GLG1: variants seen among roughly 807,000 people sequenced by gnomAD.
The protein encoded by GLG1 is golgi glycoprotein 1.
In GLG1, 38 loss-of-function variants were observed where a neutral mutation model predicts 160.5. The observed-to-expected ratio is 0.24, with a 90% confidence interval of 0.18 to 0.31. GLG1 has a LOEUF of 0.31. Ranked by LOEUF, GLG1 falls within the 10% of genes least tolerant of loss-of-function variation. The pLI, the probability that GLG1 is intolerant of heterozygous loss-of-function variation, is 1.00. For missense variants in GLG1, 1,373 were observed against 1,505.2 expected, an observed-to-expected ratio of 0.91 and a Z score of 1.45; for synonymous variants, 644 against 543.4, an observed-to-expected ratio of 1.19 and a Z score of -2.57.
At chr16:74,462,793 T>TA (rs776722043) in intron 20 of GLG1, 163 bp from the exon 21 acceptor site, 198 of 663,138 alleles carry the variant, frequency 3.0e-4, no homozygotes, top group Non-Finnish European at 5.0e-4. Flanking sequence ...ACACTGTTTT[T>TA]AATCAGCAAT....
At chr16:74,576,924 ATTTTT>A (rs35963439) in intron 1 of GLG1, among the ~76,000 whole-genome samples, 1 of 140,842 alleles carries the variant, frequency 7.1e-6, no homozygotes. Context: ...ACCACTCCTA[ATTTTT>A]TTTTTTTTTT....
intron 23 of GLG1, 40 bp downstream of exon 23, chr16:74,459,642 A>G: frequency 9.4e-7 from 1 of 1,067,180 alleles, no homozygotes; most frequent in African/African-American, 1.6e-5. Flanking sequence ...GAAAAAAAAA[A>G]AAAGAAATGA....
intron 19 of GLG1, among the ~76,000 whole-genome samples, chr16:74,464,435 G>A (rs144269674): frequency 9.8e-5 from 15 of 152,322 alleles, no homozygotes; most frequent in African/African-American, 3.6e-4. Context: ...CTTTAAGTCA[G>A]GGATCAGCTG....
Position 74,534,966 on chromosome 16 carries a change from G to A in GLG1, c.439-2813C>T, listed in dbSNP as rs149933334. Among the ~76,000 whole-genome samples, 453 of 152,312 alleles carry A rather than the reference G, an allele frequency of 3.0e-3. 2 individuals carry two copies. Among genetic ancestry groups the A allele is most frequent in the Middle Eastern group, 0.017 (5 of 294 alleles). Reference sequence around the variant, plus strand: ...AGTTTTAGGAGATACAATATGAGCAGAGGATTTAAATGTGCCTGGGTAGTT... The same window carrying A: ...AGTTTTAGGAGATACAATATGAGCAAAGGATTTAAATGTGCCTGGGTAGTT... On this transcript the variant is annotated intron_variant, in intron 1 of 25. Transcript: ENST00000422840.
At chr16:74,462,445 G>C (rs771845346) in intron 21 of GLG1, 43 bp downstream of exon 21, 5 of 1,556,438 alleles carry the variant, frequency 3.2e-6, no homozygotes, top group East Asian at 4.5e-5. Context: ...CAGGGACAGA[G>C]GCTCCATAAA....
chr16:74,484,336 T>C (rs138508198), intron 9 of GLG1, among the ~76,000 whole-genome samples: 40 of 152,186 alleles, frequency 2.6e-4, no homozygotes, highest in Non-Finnish European at 4.4e-4. Context: ...TTTTTTGTTT[T>C]TGTTTTTGTT....
intron 1 of GLG1, among the ~76,000 whole-genome samples, chr16:74,594,718 C>G (rs1475308667): frequency 6.6e-6 from 1 of 151,978 alleles, no homozygotes; most frequent in Non-Finnish European, 1.5e-5. Flanking sequence ...GAAATCTACT[C>G]ATGAACAAGA....
At position 74,566,394 on chromosome 16, in the gene GLG1, C is replaced by T. The variant is rs534784320; in HGVS notation, c.439-34241G>A. Among the ~76,000 whole-genome samples the T allele has an allele frequency of 4.6e-5, 7 of 152,330 alleles. No individual in the cohort carries two copies. The South Asian group carries it at 6.2e-4, about 14-fold the overall frequency. The stretch of plus-strand genomic sequence containing the variant: ...GTCCCCAAGCCAGTTCTTTCTACCA[C>T]GGCTTCATCGTTCCCACAGGGAGTA... On this transcript the variant is annotated intron_variant, in intron 1 of 25. Transcript: ENST00000422840.
intron 3 of GLG1, among the ~76,000 whole-genome samples, chr16:74,507,874 A>G (rs2016669626): frequency 6.6e-6 from 1 of 152,214 alleles, no homozygotes; most frequent in Non-Finnish European, 1.5e-5. Flanking sequence ...GATATTTTAA[A>G]GTTAGAGGTT....
chr16:74,587,643 C>T (rs991631230), intron 1 of GLG1, among the ~76,000 whole-genome samples: 1 of 152,090 alleles, frequency 6.6e-6, no homozygotes. Flanking sequence ...CCGAAGTGGG[C>T]GATCACGAGG....
At chr16:74,481,352 T>C (rs1393608819) in intron 10 of GLG1, among the ~76,000 whole-genome samples, 1 of 152,236 alleles carries the variant, frequency 6.6e-6, no homozygotes, top group Non-Finnish European at 1.5e-5. Context: ...GCATGCTTAA[T>C]TCTGTCCATA....
At chr16:74,499,604 C>G (rs1048637391) in intron 4 of GLG1, among the ~76,000 whole-genome samples, 11 of 152,158 alleles carry the variant, frequency 7.2e-5, no homozygotes, top group African/African-American at 2.4e-4. Flanking sequence ...ACACAGTGAT[C>G]AACTTGCCTA....
At chr16:74,482,890 T>A (rs1411392139) in intron 10 of GLG1, 133 bp downstream of exon 10, 1 of 652,818 alleles carries the variant, frequency 1.5e-6, no homozygotes, top group Non-Finnish European at 2.7e-6. Flanking sequence ...TTTCAGGGGA[T>A]TGGAGTGTGT....
chr16:74,598,876 C>T (rs1279855710), intron 1 of GLG1, among the ~76,000 whole-genome samples: 3 of 151,516 alleles, frequency 2.0e-5, no homozygotes, highest in East Asian at 3.9e-4. Flanking sequence ...AGCGAAACTC[C>T]ACCTCAAAAC....
chr16:74,493,720 C>A (rs12446095), intron 6 of GLG1, among the ~76,000 whole-genome samples: 37,938 of 152,022 alleles, frequency 0.25, 5,082 homozygotes, highest in Middle Eastern at 0.35. Context: ...CATTCAGGGA[C>A]AAAGAACTAA....
At chr16:74,544,879 A>G (rs1010917324) in intron 1 of GLG1, among the ~76,000 whole-genome samples, 1 of 152,028 alleles carries the variant, frequency 6.6e-6, no homozygotes, top group Admixed American at 6.6e-5. Context: ...TATGTAATAA[A>G]TATAATCTAT....
intron 1 of GLG1, 143 bp downstream of exon 1, chr16:74,606,514 A>C (rs994521964): frequency 4.8e-5 from 30 of 619,262 alleles, no homozygotes; most frequent in Non-Finnish European, 7.2e-5. Context: ...AGCGCCTGGG[A>C]GTGAGGAGCA....
intron 1 of GLG1, among the ~76,000 whole-genome samples, chr16:74,605,384 G>A (rs980638907): frequency 2.6e-5 from 4 of 152,108 alleles, no homozygotes; most frequent in African/African-American, 7.2e-5. Context: ...TAATTGTTTG[G>A]TCACCAGTAT....
intron 1 of GLG1, among the ~76,000 whole-genome samples, chr16:74,574,883 C>CA (rs531720341): frequency 0.018 from 455 of 24,770 alleles, 101 homozygotes; most frequent in Non-Finnish European, 0.023. Flanking sequence ...GACTCTGTCT[C>CA]AAAAAAAAAA....
Sources: gnomAD v4.1 joint callset for allele counts (sites outside exome capture counted in the v4.1 genomes callset) on GRCh38, gnomAD v4.1.1 for gene constraint, MANE v1.5 for transcripts, NCBI Gene and HGNC (gene_info 2026-07-23, HGNC 2026-07-21) for gene names.